The following LARP4 variants were observed in gnomAD, a reference collection of about 807,000 sequenced individuals.
The protein encoded by LARP4 is la-related protein 4.
A neutral mutation model predicts 92.9 loss-of-function variants in LARP4; 29 were observed. The ratio of observed to expected loss-of-function variants is 0.31; its 90% CI spans 0.23 to 0.43. The LOEUF is 0.43. Among genes scored for constraint, LARP4 ranks in the 20% least tolerant of loss-of-function variants. The pLI, the probability that LARP4 is intolerant of heterozygous loss-of-function variation, is 1.00. For synonymous variants in LARP4, 279 were observed against 284.1 expected (o/e 0.98, Z 0.18); for missense variants, 732 against 860.0 (o/e 0.85, Z 1.86).
chr12:50,466,651 G>T (rs1418429320), intron 12 of LARP4, among the ~76,000 whole-genome samples: 1 of 151,994 alleles, frequency 6.6e-6, no homozygotes, highest in Non-Finnish European at 1.5e-5. Flanking sequence ...AGGTAAAGTG[G>T]GTGTTTTTGT....
intron 8 of LARP4, among the ~76,000 whole-genome samples, chr12:50,446,508 ACCT>A (rs1390401225): frequency 7.1e-6 from 1 of 140,828 alleles, no homozygotes; most frequent in Non-Finnish European, 1.5e-5. Flanking sequence ...GCTCACCAAA[ACCT>A]CTGCCTCCTG....
Position 50,462,626 on chromosome 12 carries a change from T to C in LARP4, c.1379T>C (p.Ile460Thr), listed in dbSNP as rs1408693701. 1 of 1,495,752 alleles carries C rather than the reference T, an allele frequency of 6.7e-7. No individual in the cohort carries two copies. Among genetic ancestry groups the C allele is most frequent in the Non-Finnish European group, 9.0e-7 (1 of 1,115,480 alleles). The allele number at this position is 1,495,752 out of a possible 1,614,324, so 92.7% of individuals were successfully genotyped here. A position where few individuals can be genotyped will look rare whatever the true frequency, so the allele number is the denominator to read the frequency against. ...RGRRRREDDRISRPHPSTAES... is the reference protein window; with the variant it reads ...RGRRRREDDRTSRPHPSTAES... The stretch of plus-strand genomic sequence containing the variant: ...CGAAGACGACGAGAAGATGACAGGA[T>C]CTCAGTAAGTTTTTTAAAACTTTTA... The change falls in exon 12 of 16, where the codon ATC (isoleucine) becomes ACC (threonine). Residue 460 changes from isoleucine to threonine, a missense_variant. Physicochemically the swap from Ile to Thr is moderately conservative, Grantham distance 89 (BLOSUM62 -1). Coordinates refer to ENST00000398473, the MANE Select transcript of LARP4 (RefSeq NM_052879.5).
intron 2 of LARP4, 158 bp from the exon 3 acceptor site, chr12:50,428,777 T>C (rs956692781): frequency 4.7e-5 from 26 of 556,124 alleles, no homozygotes; most frequent in African/African-American, 3.5e-4. Flanking sequence ...TCAAAACTTA[T>C]CTCCCTCGGA....
rs1410776190 is a variant in LARP4 at position 50,477,615 on chromosome 12, A to G, written c.*1751A>G. 2.6e-5 allele frequency: 4 copies of G among 152,554 alleles called. No individual in the cohort carries two copies. The highest frequency in any genetic ancestry group is 5.9e-5 in the Non-Finnish European group (4 of 67,954). 9.5% of individuals were successfully genotyped at this position (152,554 alleles called of 1,614,324 possible). ...GTTAAGAGCTTTGAAAACACTGCAC[A>G]TATCTGTACAAGCCAGAATTACTAT... is the stretch of plus-strand genomic sequence containing the variant. On this transcript the variant is annotated 3_prime_UTR_variant, in exon 16 of 16. Coordinates refer to ENST00000398473, the MANE Select transcript of LARP4 (RefSeq NM_052879.5).
In LARP4 at chr12:50,475,586, G is replaced by T. The variant is rs769917313; in HGVS notation, c.1897G>T (p.Val633Phe). ...CQKPPKEPSS[V>F]LVQPLRELRS... ...GAAGCCCCCTAAAGAGCCATCTTCAGTTCTTGTGCAGCCACTACGGGAACT... is the reference window on the plus strand; with the variant it reads ...GAAGCCCCCTAAAGAGCCATCTTCATTTCTTGTGCAGCCACTACGGGAACT... Residue 633 changes from valine to phenylalanine, a missense_variant, in exon 16 of 16, where the codon GTT (valine) becomes TTT (phenylalanine). Coordinates refer to ENST00000398473, the MANE Select transcript of LARP4 (RefSeq NM_052879.5). 1 of 1,614,154 alleles carries T rather than the reference G, an allele frequency of 6.2e-7. No individual in the cohort carries two copies. The highest frequency in any genetic ancestry group is 8.5e-7 in the Non-Finnish European group (1 of 1,180,048).
intron 6 of LARP4, among the ~76,000 whole-genome samples, chr12:50,439,241 AT>A (rs1211766937): frequency 6.6e-6 from 1 of 152,046 alleles, no homozygotes; most frequent in Non-Finnish European, 1.5e-5. Flanking sequence ...GCCCCATTTC[AT>A]TATCATTTTT....
intron 15 of LARP4, among the ~76,000 whole-genome samples, chr12:50,474,651 C>A (rs1291109498): frequency 2.0e-5 from 3 of 152,096 alleles, no homozygotes; most frequent in Admixed American, 2.0e-4. Flanking sequence ...CTGGCCCATT[C>A]TGTTTCTTTT....
intron 2 of LARP4, among the ~76,000 whole-genome samples, chr12:50,428,285 C>T (rs2137071931): frequency 6.6e-6 from 1 of 152,260 alleles, no homozygotes; most frequent in Non-Finnish European, 1.5e-5. Context: ...GCCTCGGCCT[C>T]CCAAAGTGCT....
chr12:50,433,732 C>T (rs755910335), intron 4 of LARP4, among the ~76,000 whole-genome samples: 8 of 151,712 alleles, frequency 5.3e-5, no homozygotes, highest in Admixed American at 1.3e-4. Flanking sequence ...CTCTACCTCC[C>T]GGGTTCAAGC....
At chr12:50,418,494 T>A (rs964948766) in intron 1 of LARP4, among the ~76,000 whole-genome samples, 5 of 152,182 alleles carry the variant, frequency 3.3e-5, no homozygotes, top group African/African-American at 4.8e-5. Context: ...CTCACGGCTC[T>A]TTTCAGTCTT....
At chr12:50,421,972 AT>A (rs34349709) in intron 1 of LARP4, among the ~76,000 whole-genome samples, 349 of 141,194 alleles carry the variant, frequency 2.5e-3, no homozygotes, top group African/African-American at 2.4e-3. Context: ...CATTGGTTGG[AT>A]TTTTTTTTTT....
chr12:50,448,098 C>T (rs1014197965), intron 8 of LARP4, among the ~76,000 whole-genome samples: 1 of 152,104 alleles, frequency 6.6e-6, no homozygotes, highest in African/African-American at 2.4e-5. Context: ...AATTCCTGAC[C>T]TTGTGATCCA....
chr12:50,451,710 G>A (rs1953224077), intron 8 of LARP4, among the ~76,000 whole-genome samples: 1 of 152,130 alleles, frequency 6.6e-6, no homozygotes, highest in South Asian at 2.1e-4. Flanking sequence ...GGCTGTATGT[G>A]CCTGTAATCC....
chr12:50,435,936 T>C (rs1354603148), intron 5 of LARP4, among the ~76,000 whole-genome samples: 1 of 151,884 alleles, frequency 6.6e-6, no homozygotes, highest in African/African-American at 2.4e-5. Context: ...CACCACCACA[T>C]CTGGCTAATC....
At chr12:50,405,212 C>T (rs1944589119) in intron 1 of LARP4, among the ~76,000 whole-genome samples, 1 of 152,042 alleles carries the variant, frequency 6.6e-6, no homozygotes, top group African/African-American at 2.4e-5. Flanking sequence ...TTTTTTTCCA[C>T]CTCTGTTCTG....
chr12:50,445,983 G>A (rs978992700), intron 8 of LARP4, among the ~76,000 whole-genome samples: 7 of 146,342 alleles, frequency 4.8e-5, no homozygotes, highest in African/African-American at 7.5e-5. Flanking sequence ...TTTCATTGCC[G>A]TTTTCTTTTT....
At chr12:50,441,785 A>C in intron 8 of LARP4, 142 bp downstream of exon 8, 21 of 666,628 alleles carry the variant, frequency 3.2e-5, no homozygotes, top group Non-Finnish European at 5.1e-5. Flanking sequence ...GTGGTGGCTC[A>C]CACCTGTGAT....
At chr12:50,475,433 C>A (rs937848588) in intron 15 of LARP4, 93 bp from the exon 16 acceptor site, 1 of 1,036,026 alleles carries the variant, frequency 9.7e-7, no homozygotes, top group African/African-American at 1.6e-5. Flanking sequence ...GGAAGATAAT[C>A]TGTGGTTTTC....
chr12:50,474,387 G>T (rs1057320506), intron 15 of LARP4, among the ~76,000 whole-genome samples: 1 of 151,910 alleles, frequency 6.6e-6, no homozygotes, highest in Non-Finnish European at 1.5e-5. Flanking sequence ...TCACTCTGTC[G>T]CCCAGGCTGG....
Sources: allele counts gnomAD v4.1 joint callset (sites outside exome capture counted in the v4.1 genomes callset), GRCh38; gene constraint gnomAD v4.1.1; transcripts MANE v1.5; gene names NCBI Gene and HGNC (gene_info 2026-07-23, HGNC 2026-07-21).